The following NCAPG variants were observed in gnomAD, a reference collection of about 807,000 sequenced individuals.
NCAPG encodes the protein condensin complex subunit 3.
In NCAPG, 69 loss-of-function variants were observed where a neutral mutation model predicts 113.1. The observed-to-expected ratio is 0.61, with a 90% CI of 0.50 to 0.75. The LOEUF is 0.75. Ranked by LOEUF, NCAPG falls within the 30% of genes least tolerant of loss-of-function variation. The pLI is 0.00. For synonymous variants in NCAPG, 370 were observed against 415.8 expected, an observed-to-expected ratio of 0.89 and a Z score of 1.34; for missense variants, 1,058 against 1,177.0, an observed-to-expected ratio of 0.90 and a Z score of 1.48.
intron 5 of NCAPG, 109 bp from the exon 6 acceptor site, chr4:17,817,152 T>G: frequency 1.3e-6 from 1 of 745,408 alleles, no homozygotes; most frequent in Non-Finnish European, 2.2e-6. Flanking sequence ...CCTCTTAACC[T>G]CTACTATTTC....
At chr4:17,837,117 A>T (rs1170967250) in intron 14 of NCAPG, 42 bp from the exon 15 acceptor site, 2 of 1,568,392 alleles carry the variant, frequency 1.3e-6, no homozygotes, top group Non-Finnish European at 1.7e-6. Context: ...CTTAAAAAGG[A>T]GATACAAATA....
At position 17,832,434 on chromosome 4, in the gene NCAPG, C is replaced by T. The variant is rs116138606; in HGVS notation, c.1884+1318C>T. Reference sequence around the variant, plus strand: ...AGGTGGAGGATAATTTAAAGATTTGCGCCAGAATAACTGGATGGATGAATT... The same window carrying T: ...AGGTGGAGGATAATTTAAAGATTTGTGCCAGAATAACTGGATGGATGAATT... On this transcript the variant is annotated intron_variant, in intron 13 of 20. Transcript: ENST00000251496. Among the ~76,000 whole-genome samples the T allele has an allele frequency of 5.2e-3, 790 of 152,208 alleles. 6 individuals are homozygous for T. The highest frequency in any genetic ancestry group is 0.018 in the African/African-American group (735 of 41,540).
chr4:17,811,224 C>A lies in NCAPG; in HGVS notation c.111+36C>A, dbSNP rs879570644. The A allele has an allele frequency of 4.0e-5, 54 of 1,345,232 alleles. No homozygotes were observed. Among genetic ancestry groups the A allele is most frequent in the Non-Finnish European group, 5.2e-5 (53 of 1,010,802 alleles). 83.3% of individuals were successfully genotyped at this position (1,345,232 alleles called of 1,614,324 possible). ...CCGGCCCCGGCCGCCGCCTCTCGCC[C>A]GCCCCGGCCCACCCTCCCTCAGGGG... On this transcript the variant is annotated intron_variant, in intron 1 of 20. Coordinates refer to ENST00000251496, the MANE Select transcript of NCAPG (RefSeq NM_022346.5). This position sits in a 1 kb window ranked among gnomAD's most constrained non-coding sequence, Gnocchi z 5.3.
intron 7 of NCAPG, among the ~76,000 whole-genome samples, 184 bp downstream of exon 7, chr4:17,818,272 G>A (rs1344026606): frequency 2.0e-5 from 3 of 152,104 alleles, no homozygotes; most frequent in Non-Finnish European, 4.4e-5. Context: ...TACTGAAAGA[G>A]CAAGTCACTA....
rs1320965514 is a variant in NCAPG, at chr4:17,814,952, G to T, written c.644G>T (p.Gly215Val). 4 of 1,614,120 alleles carry T rather than the reference G, an allele frequency of 2.5e-6. No individual in the cohort carries two copies. Among genetic ancestry groups the T allele is most frequent in the Non-Finnish European group, 3.4e-6 (4 of 1,180,016 alleles). Residue 215 changes from glycine to valine, a missense_variant, in exon 4 of 21, where the codon GGG (glycine) becomes GTG (valine). Coordinates refer to ENST00000251496, the MANE Select transcript of NCAPG (RefSeq NM_022346.5). The stretch of plus-strand genomic sequence containing the variant: ...GCAAAGACTTTGCCAAAAATTGTAG[G>T]GCGCACCAAGGATGTGAAAGAGGCT... ...PSAKTLPKIV[G>V]RTKDVKEAVR...
chr4:17,813,666 T>C (rs1458501928), intron 3 of NCAPG, among the ~76,000 whole-genome samples: 1 of 151,380 alleles, frequency 6.6e-6, no homozygotes, highest in African/African-American at 2.4e-5. Flanking sequence ...AGGTGGCTCA[T>C]TGGGGTATCA....
chr4:17,831,436 T>C (rs570759801), intron 13 of NCAPG, among the ~76,000 whole-genome samples: 2 of 152,288 alleles, frequency 1.3e-5, no homozygotes, highest in South Asian at 2.1e-4. Flanking sequence ...TAAAATGTGT[T>C]GTCTTAATGG....
chr4:17,816,119 C>T (rs1250869369), intron 5 of NCAPG, among the ~76,000 whole-genome samples: 1 of 151,010 alleles, frequency 6.6e-6, no homozygotes, highest in Non-Finnish European at 1.5e-5. Flanking sequence ...CACCAAGGAT[C>T]GATTTCATGG....
intron 7 of NCAPG, among the ~76,000 whole-genome samples, chr4:17,819,470 C>T (rs1466823107): frequency 4.6e-5 from 7 of 151,378 alleles, no homozygotes; most frequent in East Asian, 1.9e-4. Flanking sequence ...AGTGCAATCT[C>T]GGCTCACTGC....
chr4:17,825,395 A>C lies in NCAPG; in HGVS notation c.1487A>C (p.Lys496Thr). ...RKKELKMAEI[K>T]VKLIEAKEAL... ...ATCTTCCCTTAGATGGCTGAAATAA[A>C]AGTTAAGCTTATCGAAGCCAAAGAA... Residue 496 changes from lysine to threonine, a missense_variant, in exon 11 of 21, where the codon AAA (lysine) becomes ACA (threonine). Coordinates refer to ENST00000251496, the MANE Select transcript of NCAPG (RefSeq NM_022346.5). 6.3e-7 allele frequency: 1 copy of C among 1,583,846 alleles called. No homozygotes were observed. Among genetic ancestry groups the C allele is most frequent in the Middle Eastern group, 2.1e-4 (1 of 4,832 alleles).
chr4:17,818,628 G>A (rs1194058974), intron 7 of NCAPG, among the ~76,000 whole-genome samples: 1 of 152,174 alleles, frequency 6.6e-6, no homozygotes, highest in African/African-American at 2.4e-5. Context: ...TAGCTTGCAA[G>A]CTATATAACA....
intron 14 of NCAPG, 83 bp downstream of exon 14, chr4:17,834,606 ATAGTTT>A (rs1246620275): frequency 9.8e-6 from 9 of 919,830 alleles, no homozygotes; most frequent in South Asian, 2.7e-5. Context: ...TAAATTTATT[ATAGTTT>A]AAGTCCTGTG....
At chr4:17,826,927 G>A (rs1300686761) in intron 11 of NCAPG, among the ~76,000 whole-genome samples, 1 of 152,092 alleles carries the variant, frequency 6.6e-6, no homozygotes. Context: ...CTTCCTATAG[G>A]CCTATGAGGT....
chr4:17,822,097 A>T (rs1447206192), intron 7 of NCAPG, among the ~76,000 whole-genome samples: 1 of 152,146 alleles, frequency 6.6e-6, no homozygotes, highest in Non-Finnish European at 1.5e-5. Flanking sequence ...ATTTTTTTCA[A>T]AAAAGATAAT....
intron 7 of NCAPG, among the ~76,000 whole-genome samples, chr4:17,819,047 T>A (rs1231507994): frequency 6.6e-6 from 1 of 152,210 alleles, no homozygotes; most frequent in Non-Finnish European, 1.5e-5. Flanking sequence ...TATATACATT[T>A]TTTGAGTACA....
chr4:17,824,064 G>A (rs1479868754), intron 9 of NCAPG, among the ~76,000 whole-genome samples: 1 of 152,126 alleles, frequency 6.6e-6, no homozygotes, highest in Middle Eastern at 3.2e-3. Context: ...CTGGGTGCTA[G>A]TGTTTTTGAG....
intron 13 of NCAPG, among the ~76,000 whole-genome samples, chr4:17,831,761 G>T (rs1270239175): frequency 1.3e-5 from 2 of 152,094 alleles, no homozygotes; most frequent in African/African-American, 4.8e-5. Flanking sequence ...AAGAATAATA[G>T]GAAAAAGGGT....
At chr4:17,830,073 C>T (rs1005045290) in intron 12 of NCAPG, among the ~76,000 whole-genome samples, 1 of 152,028 alleles carries the variant, frequency 6.6e-6, no homozygotes, top group Non-Finnish European at 1.5e-5. Context: ...AAAAACTAGA[C>T]CAAAATGAGA....
Position 17,813,144 on chromosome 4 carries a change from T to C in NCAPG, c.543T>C (p.Asn181=), listed in dbSNP as rs144379648. The stretch of plus-strand genomic sequence containing the variant: ...AGGATGATGAATGCCCAGTGGTTAA[T>C]GGTGTGTGTAGTTTCCTAAATCTTT... ...DPKDDECPVV[N]AYATLIENDS... is the part of the protein sequence containing the mutation. Residue 181 remains asparagine (N), a splice_region_variant and synonymous_variant, in exon 3 of 21, where the codon AAT becomes AAC. Coordinates refer to ENST00000251496, the MANE Select transcript of NCAPG (RefSeq NM_022346.5). 2.8e-4 allele frequency: 447 copies of C among 1,609,406 alleles called. No individual in the cohort carries two copies. The African/African-American group carries it at 4.7e-3, about 17-fold the overall frequency.
Sources: gnomAD v4.1 joint callset for allele counts (sites outside exome capture counted in the v4.1 genomes callset) on GRCh38, gnomAD v4.1.1 for gene constraint, Gnocchi (gnomAD v3.1) non-coding constraint, MANE v1.5 for transcripts, NCBI Gene and HGNC (gene_info 2026-07-23, HGNC 2026-07-21) for gene names.